C1GALT1: variants seen among roughly 807,000 people sequenced by gnomAD.
C1GALT1 encodes core 1 synthase, glycoprotein-N-acetylgalactosamine 3-beta-galactosyltransferase 1, also known as glycoprotein-N-acetylgalactosamine 3-beta-galactosyltransferase 1.
C1GALT1 carries 11 observed loss-of-function variants against 31.0 expected under a neutral mutation model. The ratio of observed to expected loss-of-function variants is 0.36; its 90% CI spans 0.22 to 0.59. C1GALT1 has a LOEUF of 0.59. Ranked by LOEUF, C1GALT1 falls within the 20% of genes least tolerant of loss-of-function variation. The probability of loss-of-function intolerance (pLI) is 0.79; values close to 1 mark genes in which losing one functional copy is unlikely to be tolerated. For synonymous variants in C1GALT1, 175 were observed against 143.6 expected, an observed-to-expected ratio of 1.22 and a Z score of -1.56; for missense variants, 424 against 425.2, an observed-to-expected ratio of 1.00 and a Z score of 0.03.
intron 2 of C1GALT1, among the ~76,000 whole-genome samples, chr7:7,162,693 T>C (rs1780348191): frequency 6.6e-6 from 1 of 151,474 alleles, no homozygotes; most frequent in Admixed American, 6.6e-5. Context: ...ATCGCCACAC[T>C]GACTTCCACA....
chr7:7,184,723 A>G (rs571243287), intron 1 of C1GALT1, among the ~76,000 whole-genome samples: 2 of 152,358 alleles, frequency 1.3e-5, no homozygotes, highest in Admixed American at 1.3e-4. Context: ...AGAAAATGGA[A>G]AGCTTGATGC....
intron 3 of C1GALT1, 159 bp downstream of exon 3, chr7:7,239,081 G>A: frequency 1.6e-6 from 1 of 625,126 alleles, no homozygotes; most frequent in Non-Finnish European, 2.7e-6. Flanking sequence ...GATGAGAACA[G>A]GGACATCAGC....
At chr7:7,223,471 G>T (rs989617161) in intron 1 of C1GALT1, among the ~76,000 whole-genome samples, 4 of 152,148 alleles carry the variant, frequency 2.6e-5, no homozygotes, top group African/African-American at 9.7e-5. Context: ...CCACACACAG[G>T]TTCTTTAGTT....
intron 1 of C1GALT1, among the ~76,000 whole-genome samples, chr7:7,220,648 A>G (rs932993365): frequency 6.6e-6 from 1 of 152,050 alleles, no homozygotes; most frequent in African/African-American, 2.4e-5. Context: ...CAGCCTCCCA[A>G]ATAGCTGGGA....
intron 1 of C1GALT1, among the ~76,000 whole-genome samples, chr7:7,229,200 T>G (rs1052526366): frequency 3.3e-5 from 5 of 152,236 alleles, no homozygotes; most frequent in African/African-American, 1.2e-4. Flanking sequence ...AGTAAAATAC[T>G]GTCTTTGTTC....
At chr7:7,181,295 G>A (rs1420243017), upstream of C1GALT1, among the ~76,000 whole-genome samples, 2 of 135,260 alleles carry the variant, frequency 1.5e-5, no homozygotes, top group African/African-American at 5.9e-5. Context: ...AGCAACAACT[G>A]TATACAAGTT....
intron 1 of C1GALT1, among the ~76,000 whole-genome samples, chr7:7,200,636 TA>T (rs1281799299): frequency 6.6e-6 from 1 of 152,216 alleles, no homozygotes; most frequent in Non-Finnish European, 1.5e-5. Flanking sequence ...GGTACACCAA[TA>T]AGACGTAGAT....
At chr7:7,168,923 G>A (rs1562552479) in intron 2 of C1GALT1, among the ~76,000 whole-genome samples, 1 of 152,086 alleles carries the variant, frequency 6.6e-6, no homozygotes, top group Non-Finnish European at 1.5e-5. Flanking sequence ...ACAGTTCAGT[G>A]GCATTAATTG....
At chr7:7,224,541 C>A (rs1333543410) in intron 1 of C1GALT1, among the ~76,000 whole-genome samples, 1 of 152,050 alleles carries the variant, frequency 6.6e-6, no homozygotes, top group African/African-American at 2.4e-5. Context: ...TTCAAATAAT[C>A]TATTTCATAT....
intron 1 of C1GALT1, among the ~76,000 whole-genome samples, chr7:7,198,199 T>C (rs543980092): frequency 3.3e-5 from 5 of 152,346 alleles, no homozygotes; most frequent in Admixed American, 2.0e-4. Flanking sequence ...TATTTTAAGA[T>C]ATGTCCCATC....
At chr7:7,179,438 T>A (rs796751104), upstream of C1GALT1, among the ~76,000 whole-genome samples, 4 of 152,360 alleles carry the variant, frequency 2.6e-5, no homozygotes, top group African/African-American at 9.6e-5. Context: ...GGTGTTAATA[T>A]ATTTGTAAAA....
chr7:7,241,272 ATT>A (rs1216712884), intron 3 of C1GALT1, among the ~76,000 whole-genome samples: 2 of 151,970 alleles, frequency 1.3e-5, no homozygotes, highest in Non-Finnish European at 2.9e-5. Flanking sequence ...TTCTACTACC[ATT>A]TTTTAACTCA....
At chr7:7,216,169 G>A (rs1055220516) in intron 1 of C1GALT1, among the ~76,000 whole-genome samples, 4 of 152,174 alleles carry the variant, frequency 2.6e-5, no homozygotes, top group African/African-American at 9.7e-5. Flanking sequence ...GTGCACTCCA[G>A]AGGGGTGCAA....
At chr7:7,215,409 CA>C (rs147819256) in intron 1 of C1GALT1, among the ~76,000 whole-genome samples, 5,660 of 152,202 alleles carry the variant, frequency 0.037, 215 homozygotes, top group African/African-American at 0.11. Context: ...AGAGAAAAGC[CA>C]AAAGCCCGAC....
intron 2 of C1GALT1, among the ~76,000 whole-genome samples, chr7:7,236,448 G>T (rs1783356247): frequency 6.6e-6 from 1 of 152,180 alleles, no homozygotes; most frequent in South Asian, 2.1e-4. Flanking sequence ...CTTTCTGACT[G>T]AAAGTAGGGT....
chr7:7,227,657 T>TTG (rs1423947255), intron 1 of C1GALT1, among the ~76,000 whole-genome samples: 2 of 150,094 alleles, frequency 1.3e-5, no homozygotes, highest in Admixed American at 6.6e-5. Context: ...GAGGCGGAGC[T>TTG]TGCAGTGAGC....
intron 1 of C1GALT1, among the ~76,000 whole-genome samples, chr7:7,219,365 G>C (rs1782402044): frequency 1.3e-5 from 2 of 151,996 alleles, no homozygotes; most frequent in Admixed American, 1.3e-4. Flanking sequence ...TGATGTGTCA[G>C]TGTAGGTTTA....
intron 1 of C1GALT1, among the ~76,000 whole-genome samples, chr7:7,200,711 C>G (rs1454753861): frequency 6.6e-6 from 1 of 152,124 alleles, no homozygotes; most frequent in East Asian, 1.9e-4. Context: ...ACTCTTCTTT[C>G]TCTAAACTTC....
chr7:7,221,214 G>T (rs1169611931), intron 1 of C1GALT1, among the ~76,000 whole-genome samples: 1 of 151,682 alleles, frequency 6.6e-6, no homozygotes, highest in Non-Finnish European at 1.5e-5. Context: ...CCATCACCTC[G>T]TCTTTCTTGT....
Sources: allele counts gnomAD v4.1 joint callset (sites outside exome capture counted in the v4.1 genomes callset), GRCh38; gene constraint gnomAD v4.1.1; transcripts MANE v1.5; gene names NCBI Gene and HGNC (gene_info 2026-07-23, HGNC 2026-07-21).